LANCL1: variants seen among roughly 807,000 people sequenced by gnomAD.
The protein encoded by LANCL1 is LanC like glutathione S-transferase 1.
In LANCL1, 50 loss-of-function variants were observed where a neutral mutation model predicts 50.6. The ratio of observed to expected loss-of-function variants is 0.99; its 90% confidence interval spans 0.79 to 1.25. The LOEUF is 1.25. Ranked by LOEUF, LANCL1 falls within the 50% of genes most tolerant of loss-of-function variation. LANCL1 has a pLI of 0.00. For missense variants in LANCL1, 532 were observed against 480.7 expected (o/e 1.11, Z -1.00); for synonymous variants, 188 against 178.6 (o/e 1.05, Z -0.42).
intron 4 of LANCL1, among the ~76,000 whole-genome samples, chr2:210,446,852 T>C (rs78337683): frequency 1.3e-5 from 2 of 152,138 alleles, no homozygotes; most frequent in East Asian, 1.9e-4. Flanking sequence ...TAACGGACTA[T>C]GTGAAAAGAT....
Position 210,459,332 on chromosome 2 carries a change from G to A in LANCL1, c.200-4018C>T, listed in dbSNP as rs182498973. The stretch of plus-strand genomic sequence containing the variant: ...AGACTTAGACTTAAGACCAGAAACT[G>A]TAAAACAACTAGAAGAAAACATAGA... On this transcript the variant is annotated intron_variant, in intron 3 of 9. Coordinates refer to ENST00000450366, the MANE Select transcript of LANCL1 (RefSeq NM_006055.3). 1.0e-3 allele frequency among the ~76,000 whole-genome samples: 152 copies of A among 152,058 alleles called. 2 individuals are homozygous for A. Among genetic ancestry groups the A allele is most frequent in the Non-Finnish European group, 6.5e-4 (44 of 67,964 alleles).
chr2:210,464,346 T>G (rs1259858457), intron 3 of LANCL1, among the ~76,000 whole-genome samples: 2 of 152,176 alleles, frequency 1.3e-5, no homozygotes, highest in Admixed American at 1.3e-4. Context: ...CTTCTATTAG[T>G]TTTAATTTTT....
At chr2:210,437,064 T>A (rs73069775) in intron 7 of LANCL1, among the ~76,000 whole-genome samples, 2,299 of 152,306 alleles carry the variant, frequency 0.015, 52 homozygotes, top group African/African-American at 0.053. Flanking sequence ...ATTTGTTGAT[T>A]TGGCACCAAT....
At position 210,441,440 on chromosome 2, in the gene LANCL1, T is replaced by C; in HGVS notation, c.411A>G (p.Leu137=). Residue 137 remains leucine (L), a synonymous_variant, in exon 5 of 10, where the codon CTA becomes CTG. Transcript: ENST00000450366. ...EKQAEDCITR[L]IHLNKIDPHA... is the part of the protein sequence containing the mutation. ...GAGGATCAATCTTATTTAGGTGAAT[T>C]AGCCTAAAAATAAAAATACATGCCC... is the stretch of plus-strand genomic sequence containing the variant. The C allele has an allele frequency of 6.2e-7, 1 of 1,603,304 alleles. No homozygotes were observed. The highest frequency in any genetic ancestry group is 8.5e-7 in the Non-Finnish European group (1 of 1,173,958).
chr2:210,461,439 G>T (rs1316918918), intron 3 of LANCL1, among the ~76,000 whole-genome samples: 5 of 152,054 alleles, frequency 3.3e-5, no homozygotes, highest in Non-Finnish European at 7.4e-5. Context: ...AAGACACCTG[G>T]CCAGAGTGAC....
intron 3 of LANCL1, among the ~76,000 whole-genome samples, chr2:210,467,375 C>G (rs1254529679): frequency 1.3e-5 from 2 of 152,194 alleles, no homozygotes; most frequent in East Asian, 3.9e-4. Context: ...TCTTCTGCCT[C>G]TGCCACCCAT....
intron 6 of LANCL1, among the ~76,000 whole-genome samples, chr2:210,440,329 A>G (rs1026817427): frequency 6.6e-6 from 1 of 152,250 alleles, no homozygotes; most frequent in Non-Finnish European, 1.5e-5. Context: ...AAAACACTTT[A>G]GTCTGCACAA....
At chr2:210,477,088 T>C (rs1379000718), upstream of LANCL1, among the ~76,000 whole-genome samples, 1 of 147,166 alleles carries the variant, frequency 6.8e-6, no homozygotes, top group Non-Finnish European at 1.5e-5. Context: ...AGATAAAATT[T>C]GGCGGGGGGT....
intron 7 of LANCL1, among the ~76,000 whole-genome samples, chr2:210,437,157 T>C (rs1692960654): frequency 6.6e-6 from 1 of 152,212 alleles, no homozygotes; most frequent in African/African-American, 2.4e-5. Context: ...TTAGTGTTAT[T>C]TATGCACTAC....
intron 5 of LANCL1, among the ~76,000 whole-genome samples, 163 bp downstream of exon 5, chr2:210,441,145 C>T (rs888190216): frequency 2.0e-5 from 3 of 152,130 alleles, no homozygotes; most frequent in Admixed American, 6.5e-5. Context: ...AACAGCACTC[C>T]GTAGAAAGCT....
intron 2 of LANCL1, 131 bp from the exon 3 acceptor site, chr2:210,472,207 T>C: frequency 3.3e-6 from 2 of 604,926 alleles, no homozygotes. Flanking sequence ...GACTAAACAA[T>C]TTATTTTCTA....
At chr2:210,457,129 T>TA (rs1357600621) in intron 3 of LANCL1, among the ~76,000 whole-genome samples, 1 of 152,162 alleles carries the variant, frequency 6.6e-6, no homozygotes, top group African/African-American at 2.4e-5. Context: ...CTGCAGATGA[T>TA]AGTTTACTGT....
At chr2:210,435,336 GAGA>G in intron 9 of LANCL1, 48 bp downstream of exon 9, 1 of 1,388,198 alleles carries the variant, frequency 7.2e-7, no homozygotes, top group Non-Finnish European at 1.0e-6. Context: ...TTACCAAGCA[GAGA>G]AGTAGATGCT....
In LANCL1 at chr2:210,434,179, ATAAACT is replaced by A. The variant is rs983102751; in HGVS notation, c.*302_*307del. 3 of 221,970 alleles carry A rather than the reference ATAAACT, an allele frequency of 1.4e-5. No homozygotes were observed. The highest frequency in any genetic ancestry group is 2.6e-5 in the Non-Finnish European group (3 of 113,908). The allele number at this position is 221,970 out of a possible 1,614,324, so 13.8% of individuals were successfully genotyped here. On this transcript the variant is annotated 3_prime_UTR_variant, in exon 10 of 10. Coordinates refer to ENST00000450366, the MANE Select transcript of LANCL1 (RefSeq NM_006055.3). ...AGAACAGTAACAGATGGTTATATTC[ATAAACT>A]TAAATAAGATTTCCTCCAAGTTCTG...
At chr2:210,465,558 G>A (rs1694027552) in intron 3 of LANCL1, among the ~76,000 whole-genome samples, 1 of 152,176 alleles carries the variant, frequency 6.6e-6, no homozygotes, top group Non-Finnish European at 1.5e-5. Context: ...CATTTTTAGT[G>A]AAACTGCAGT....
intron 4 of LANCL1, among the ~76,000 whole-genome samples, chr2:210,446,570 G>A (rs935348520): frequency 2.0e-5 from 3 of 152,000 alleles, no homozygotes; most frequent in Non-Finnish European, 2.9e-5. Flanking sequence ...AGCTAAAGGA[G>A]CATGTTCTAA....
chr2:210,435,379 C>A lies in LANCL1; in HGVS notation c.1123+8G>T. 6.2e-7 allele frequency: 1 copy of A among 1,602,900 alleles called. No individual in the cohort carries two copies. On this transcript the variant is annotated splice_region_variant and intron_variant, in intron 9 of 9. Transcript: ENST00000450366. ...TTATAGGGCAAATAAATAAAGTGTA[C>A]AAAATACCTTCAAAGAGAGAGAAAG...
At chr2:210,440,312 A>G (rs1040875741) in intron 6 of LANCL1, among the ~76,000 whole-genome samples, 11 of 152,244 alleles carry the variant, frequency 7.2e-5, no homozygotes, top group Admixed American at 6.5e-5. Context: ...ATACAGAATT[A>G]TAAGTCAAAA....
intron 3 of LANCL1, chr2:210,471,652 T>C (rs774964711): frequency 2.1e-5 from 11 of 521,458 alleles, no homozygotes; most frequent in South Asian, 4.6e-5. Context: ...CCCACTGAAA[T>C]TACATCTGCA....
Sources: gnomAD v4.1 joint callset for allele counts (sites outside exome capture counted in the v4.1 genomes callset) on GRCh38, gnomAD v4.1.1 for gene constraint, MANE v1.5 for transcripts, NCBI Gene and HGNC (gene_info 2026-07-23, HGNC 2026-07-21) for gene names.